The following TOM1L1 variants were observed in gnomAD, a reference collection of about 807,000 sequenced individuals.
The protein encoded by TOM1L1 is TOM1-like protein 1.
Under a neutral mutation model 63.4 loss-of-function variants are expected in TOM1L1, and 64 were observed. That is an observed-to-expected ratio of 1.01 (90% CI 0.83 to 1.24). The LOEUF is 1.24. Ranked by LOEUF, TOM1L1 falls within the 50% of genes most tolerant of loss-of-function variation. The probability of loss-of-function intolerance (pLI) is 0.00; values close to 1 mark genes in which losing one functional copy is unlikely to be tolerated. For synonymous variants in TOM1L1, 166 were observed against 194.4 expected, an observed-to-expected ratio of 0.85 and a Z score of 1.22; for missense variants, 536 against 567.0, an observed-to-expected ratio of 0.95 and a Z score of 0.55.
chr17:54,954,585 T>C (rs369111635), intron 14 of TOM1L1: 1 of 152,120 alleles, frequency 6.6e-6, no homozygotes, highest in Non-Finnish European at 1.5e-5. Context: ...GAGGGTACCA[T>C]TTCCAAGAAG....
intron 1 of TOM1L1, 93 bp downstream of exon 1, chr17:54,901,016 A>G: frequency 6.5e-7 from 1 of 1,545,512 alleles, no homozygotes; most frequent in Non-Finnish European, 8.8e-7. Flanking sequence ...GGACGGAGTT[A>G]GTCCAACTTG....
intron 3 of TOM1L1, among the ~76,000 whole-genome samples, chr17:54,910,073 G>T (rs912924604): frequency 3.3e-5 from 5 of 152,244 alleles, no homozygotes; most frequent in Non-Finnish European, 7.4e-5. Context: ...CACATTTTTA[G>T]CATTTCATGT....
At chr17:54,905,464 G>A (rs143548745) in intron 2 of TOM1L1, 25 bp from the exon 3 acceptor site, 17,729 of 1,527,196 alleles carry the variant, frequency 0.012, 148 homozygotes, top group South Asian at 0.018. Context: ...CTAAATTGGT[G>A]ATTTCAGTGT....
intron 14 of TOM1L1, among the ~76,000 whole-genome samples, chr17:54,951,611 T>C (rs2049240862): frequency 6.6e-6 from 1 of 152,186 alleles, no homozygotes; most frequent in Non-Finnish European, 1.5e-5. Flanking sequence ...CTATGGGAGT[T>C]GTGAGCCAGG....
intron 2 of TOM1L1, among the ~76,000 whole-genome samples, chr17:54,904,316 G>A (rs977214478): frequency 1.4e-5 from 2 of 147,070 alleles, no homozygotes; most frequent in African/African-American, 5.1e-5. Context: ...CTTGCAGTGA[G>A]CAGAGATCAT....
At chr17:54,938,493 CAAA>C (rs34581628) in intron 10 of TOM1L1, 7 of 71,106 alleles carry the variant, frequency 9.8e-5, no homozygotes, top group Admixed American at 1.5e-4. Flanking sequence ...GACTCCATCT[CAAA>C]AAAAAAAAAA....
chr17:54,908,053 T>A (rs2048440427), intron 3 of TOM1L1, among the ~76,000 whole-genome samples: 1 of 152,164 alleles, frequency 6.6e-6, no homozygotes, highest in African/African-American at 2.4e-5. Flanking sequence ...CTCTTCCTTC[T>A]CATCAGGTAG....
At chr17:54,918,409 A>G (rs968282514) in intron 7 of TOM1L1, among the ~76,000 whole-genome samples, 1 of 152,196 alleles carries the variant, frequency 6.6e-6, no homozygotes, top group Non-Finnish European at 1.5e-5. Flanking sequence ...CCCACTGTTA[A>G]TGGATATGAG....
Position 54,936,685 on chromosome 17 carries a change from TAAG to T in TOM1L1, c.894_896del (p.Lys298del). The T allele has an allele frequency of 6.2e-7, 1 of 1,607,886 alleles. No homozygotes were observed. The highest frequency in any genetic ancestry group is 8.5e-7 in the Non-Finnish European group (1 of 1,178,320). On this transcript the variant is annotated inframe_deletion, in exon 9 of 16. Coordinates refer to ENST00000575882, the MANE Select transcript of TOM1L1 (RefSeq NM_005486.3). ...ACCAACAAAGGATTTTGGAGCAAAA[TAAG>T]AACCAGAAGGAAGCCACCAATGTAA...
At position 54,960,627 on chromosome 17, in the gene TOM1L1, G is replaced by C; in HGVS notation, c.*1G>C. 1 of 1,603,964 alleles carries C rather than the reference G, an allele frequency of 6.2e-7. No homozygotes were observed. The highest frequency in any genetic ancestry group is 8.5e-7 in the Non-Finnish European group (1 of 1,171,548). On this transcript the variant is annotated splice_region_variant and 3_prime_UTR_variant, in exon 15 of 16. Transcript: ENST00000575882. ...AGGAGCTCAAAATGATGGTGACTGA[G>C]GTAAAGACTTCAACTTATACAACTT...
At chr17:54,941,824 A>C (rs1423469241) in intron 11 of TOM1L1, among the ~76,000 whole-genome samples, 1 of 152,170 alleles carries the variant, frequency 6.6e-6, no homozygotes, top group Non-Finnish European at 1.5e-5. Context: ...TTCCAGGAGG[A>C]TCATAATGCA....
At position 54,950,487 on chromosome 17, in the gene TOM1L1, C is replaced by A. The variant is rs1197067066; in HGVS notation, c.1370+361C>A. Among the ~76,000 whole-genome samples, 3 of 152,240 alleles carry A rather than the reference C, an allele frequency of 2.0e-5. No individual in the cohort carries two copies. In the South Asian group the frequency reaches 6.2e-4, roughly 32 times the overall value. On this transcript the variant is annotated intron_variant, in intron 14 of 15. Coordinates refer to ENST00000575882, the MANE Select transcript of TOM1L1 (RefSeq NM_005486.3). Reference sequence around the variant, plus strand: ...CCACATTGATGGAATATTTTAGCTGCTCTTTATGAACTGATCCAAAAAAAT... The same window carrying A: ...CCACATTGATGGAATATTTTAGCTGATCTTTATGAACTGATCCAAAAAAAT...
At chr17:54,914,557 TG>T in intron 5 of TOM1L1, 81 bp from the exon 6 acceptor site, 1 of 1,083,682 alleles carries the variant, frequency 9.2e-7, no homozygotes, top group East Asian at 2.4e-5. Context: ...TGAGAGTGCT[TG>T]AGTTAGCTGA....
At chr17:54,953,888 T>C (rs917954485) in intron 14 of TOM1L1, 7 of 152,204 alleles carry the variant, frequency 4.6e-5, no homozygotes, top group Admixed American at 3.3e-4. Context: ...TTTTGGGTCA[T>C]CTGGGTCCCA....
At chr17:54,924,325 G>T (rs1252562057) in intron 7 of TOM1L1, among the ~76,000 whole-genome samples, 1 of 149,206 alleles carries the variant, frequency 6.7e-6, no homozygotes. Context: ...TGTCACTCAG[G>T]CTGGAGTGCA....
intron 3 of TOM1L1, among the ~76,000 whole-genome samples, chr17:54,907,696 A>G (rs2048434484): frequency 6.6e-6 from 1 of 152,192 alleles, no homozygotes; most frequent in Non-Finnish European, 1.5e-5. Context: ...AGATGTGTAG[A>G]TGTACCCTCA....
chr17:54,949,048 T>G (rs761756953), intron 12 of TOM1L1, among the ~76,000 whole-genome samples: 16 of 152,270 alleles, frequency 1.1e-4, no homozygotes, highest in Non-Finnish European at 2.1e-4. Flanking sequence ...AATTCTTGTT[T>G]TTGAGACAGG....
intron 2 of TOM1L1, among the ~76,000 whole-genome samples, chr17:54,904,935 C>A (rs1166213037): frequency 1.3e-5 from 2 of 151,962 alleles, no homozygotes; most frequent in African/African-American, 4.8e-5. Flanking sequence ...ATGTTTAGTT[C>A]CTCTGGGAAC....
chr17:54,951,314 T>C (rs1419482682), intron 14 of TOM1L1, among the ~76,000 whole-genome samples: 4 of 152,152 alleles, frequency 2.6e-5, no homozygotes, highest in Non-Finnish European at 5.9e-5. Flanking sequence ...ACCCTCCAGG[T>C]ACCTCCACGT....
Sources: gnomAD v4.1 joint callset for allele counts (sites outside exome capture counted in the v4.1 genomes callset) on GRCh38, gnomAD v4.1.1 for gene constraint, MANE v1.5 for transcripts, NCBI Gene and HGNC (gene_info 2026-07-23, HGNC 2026-07-21) for gene names.